The following FOCAD variants were observed in gnomAD, a reference collection of about 807,000 sequenced individuals.
The protein encoded by FOCAD is KIAA1797.
Under a neutral mutation model 225.6 loss-of-function variants are expected in FOCAD, and 198 were observed. The ratio of observed to expected loss-of-function variants is 0.88; its 90% CI spans 0.78 to 0.99. The LOEUF (loss-of-function observed/expected upper bound fraction) is 0.99, where lower values mean the gene tolerates loss of function less well. FOCAD is among the 50% of genes least tolerant of loss of function. FOCAD has a pLI of 0.00. For missense variants in FOCAD, 2,713 were observed against 2,123.6 expected, an observed-to-expected ratio of 1.28 and a Z score of -5.46; for synonymous variants, 897 against 755.0, an observed-to-expected ratio of 1.19 and a Z score of -3.08.
At chr9:20,843,981 GA>G (rs1408106160) in intron 15 of FOCAD, among the ~76,000 whole-genome samples, 1 of 152,114 alleles carries the variant, frequency 6.6e-6, no homozygotes, top group African/African-American at 2.4e-5. Flanking sequence ...AGTTAGAAAT[GA>G]AAGACAACCT....
chr9:20,972,109 A>G (rs1286329799), intron 35 of FOCAD, among the ~76,000 whole-genome samples: 2 of 152,106 alleles, frequency 1.3e-5, no homozygotes, highest in African/African-American at 4.8e-5. Context: ...TGGGATATAC[A>G]CCTAAAAGTG....
chr9:20,919,745 A>T (rs1055353523), intron 24 of FOCAD, among the ~76,000 whole-genome samples: 2 of 152,182 alleles, frequency 1.3e-5, no homozygotes, highest in Admixed American at 6.5e-5. Flanking sequence ...GTGCTGGGAA[A>T]ACTGGCTAGC....
chr9:20,991,083 C>T (rs1333981239), intron 42 of FOCAD, among the ~76,000 whole-genome samples: 5 of 152,114 alleles, frequency 3.3e-5, no homozygotes, highest in South Asian at 2.1e-4. Context: ...GATGACATTG[C>T]GTCATGTTGA....
intron 37 of FOCAD, among the ~76,000 whole-genome samples, chr9:20,980,783 A>G (rs1840625153): frequency 6.6e-6 from 1 of 152,096 alleles, no homozygotes; most frequent in Non-Finnish European, 1.5e-5. Context: ...CTTTAGTAGC[A>G]TGTTTATGTT....
At chr9:20,842,037 A>C (rs766652157) in intron 15 of FOCAD, among the ~76,000 whole-genome samples, 2 of 151,530 alleles carry the variant, frequency 1.3e-5, no homozygotes, top group Non-Finnish European at 3.0e-5. Context: ...CATATTGTTT[A>C]ATTTCTATGT....
intron 2 of FOCAD, among the ~76,000 whole-genome samples, chr9:20,678,055 A>T (rs780777599): frequency 6.6e-6 from 1 of 152,232 alleles, no homozygotes; most frequent in East Asian, 1.9e-4. Flanking sequence ...AATTAAAAAC[A>T]TATCAGGAAG....
intron 43 of FOCAD, 119 bp from the exon 44 acceptor site, chr9:20,995,437 G>A (rs751110131): frequency 1.6e-4 from 86 of 539,992 alleles, no homozygotes; most frequent in East Asian, 8.0e-4. Context: ...CCAAAATATC[G>A]ATGGAACTCC....
At chr9:20,821,781 C>G (rs1180751639) in intron 14 of FOCAD, among the ~76,000 whole-genome samples, 1 of 151,712 alleles carries the variant, frequency 6.6e-6, no homozygotes, top group Non-Finnish European at 1.5e-5. Context: ...CGTTGAATTC[C>G]TGGTAACGTC....
At chr9:20,830,707 T>C (rs755227731) in intron 15 of FOCAD, among the ~76,000 whole-genome samples, 6 of 152,114 alleles carry the variant, frequency 3.9e-5, no homozygotes, top group Non-Finnish European at 7.4e-5. Flanking sequence ...AGATGGGGTC[T>C]TGCTCTGACG....
At chr9:20,949,734 T>C in intron 33 of FOCAD, 59 bp downstream of exon 33, 1 of 1,351,158 alleles carries the variant, frequency 7.4e-7, no homozygotes, top group South Asian at 1.2e-5. Flanking sequence ...GTTGTCTTTT[T>C]TTCTATTACA....
In FOCAD at chr9:20,716,878, C is replaced by T. The variant is rs190749430; in HGVS notation, c.58-916C>T. 2.5e-3 allele frequency among the ~76,000 whole-genome samples: 377 copies of T among 152,196 alleles called. 3 individuals are homozygous for T. The highest frequency in any genetic ancestry group is 0.014 in the Middle Eastern group (4 of 294). ...TTGTGTGACTATAAAACCAAAATTC[C>T]GACTTATAAGAAGCACTGTATATCA... On this transcript the variant is annotated intron_variant, in intron 2 of 43. Transcript: ENST00000338382.
chr9:20,902,261 G>C (rs752938782), intron 21 of FOCAD, among the ~76,000 whole-genome samples: 1 of 151,930 alleles, frequency 6.6e-6, no homozygotes, highest in Non-Finnish European at 1.5e-5. Flanking sequence ...TATACTGGAA[G>C]TATGGAGATG....
chr9:20,786,989 G>GA lies in FOCAD; in HGVS notation c.1198-2358dup, dbSNP rs1203413226. The GA allele has an allele frequency of 5.2e-5, 25 of 483,542 alleles. 1 individual carries two copies. The highest frequency in any genetic ancestry group is 3.1e-4 in the South Asian group (20 of 65,378). 30.0% of individuals were successfully genotyped at this position (483,542 alleles called of 1,614,324 possible). A position where few individuals can be genotyped will look rare whatever the true frequency, so the allele number is the denominator to read the frequency against. ...CAGGATTTGGTAGCTGGTGCTGAGA[G>GA]AAAACGCTTGATTGCATCCTTGCCC... On this transcript the variant is annotated intron_variant, in intron 10 of 43. Coordinates refer to ENST00000338382, the MANE Select transcript of FOCAD (RefSeq NM_001375567.1).
chr9:20,993,413 G>C lies in FOCAD; in HGVS notation c.5332+85G>C, dbSNP rs569126773. ...GCAGAATGGCATTCTAGTGGTTGCA[G>C]GTTGAGTATCTCTTACCCGAAATGC... On this transcript the variant is annotated intron_variant, in intron 43 of 43. Coordinates refer to ENST00000338382, the MANE Select transcript of FOCAD (RefSeq NM_001375567.1). 2.7e-5 allele frequency: 31 copies of C among 1,146,736 alleles called. No individual in the cohort carries two copies. The South Asian group carries it at 3.9e-4, about 14-fold the overall frequency. The allele number at this position is 1,146,736 out of a possible 1,614,324, so 71.0% of individuals were successfully genotyped here. A position where few individuals can be genotyped will look rare whatever the true frequency, so the allele number is the denominator to read the frequency against.
intron 24 of FOCAD, 98 bp from the exon 25 acceptor site, chr9:20,923,562 A>G (rs1490536775): frequency 1.3e-6 from 1 of 761,400 alleles, no homozygotes; most frequent in Non-Finnish European, 2.2e-6. Flanking sequence ...AAGGAACACA[A>G]GTTGCTTTTT....
chr9:20,672,703 G>C (rs1247773779), intron 2 of FOCAD, among the ~76,000 whole-genome samples: 1 of 152,138 alleles, frequency 6.6e-6, no homozygotes, highest in Non-Finnish European at 1.5e-5. Context: ...CACCCACCTT[G>C]GCCTCTCAAA....
At chr9:20,762,086 C>G (rs1444836218) in intron 6 of FOCAD, among the ~76,000 whole-genome samples, 1 of 152,116 alleles carries the variant, frequency 6.6e-6, no homozygotes, top group Non-Finnish European at 1.5e-5. Flanking sequence ...TTATATGAAC[C>G]TTACATTTCA....
chr9:20,789,728 T>A, intron 11 of FOCAD, 120 bp downstream of exon 11: 1 of 1,302,958 alleles, frequency 7.7e-7, no homozygotes, highest in Non-Finnish European at 1.0e-6. Context: ...GATGATTTTT[T>A]TTTTTTTTGC....
At chr9:20,899,035 G>A (rs2131964975) in intron 21 of FOCAD, among the ~76,000 whole-genome samples, 1 of 152,014 alleles carries the variant, frequency 6.6e-6, no homozygotes, top group Middle Eastern at 3.4e-3. Flanking sequence ...CACCCACTTA[G>A]AAGGCTAGAG....
Sources: gnomAD v4.1 joint callset for allele counts (sites outside exome capture counted in the v4.1 genomes callset) on GRCh38, gnomAD v4.1.1 for gene constraint, MANE v1.5 for transcripts, NCBI Gene and HGNC (gene_info 2026-07-23, HGNC 2026-07-21) for gene names.